The following HBS1L variants were observed in gnomAD, a reference collection of about 807,000 sequenced individuals.
The protein encoded by HBS1L is HBS1-like protein.
In HBS1L, 55 loss-of-function variants were observed where a neutral mutation model predicts 88.9. That is an observed-to-expected ratio of 0.62 (90% CI 0.50 to 0.77). HBS1L has a LOEUF of 0.77. Among genes scored for constraint, HBS1L ranks in the 30% least tolerant of loss-of-function variants. The pLI, the probability that HBS1L is intolerant of heterozygous loss-of-function variation, is 0.00. For synonymous variants in HBS1L, 267 were observed against 288.5 expected (o/e 0.93, Z 0.76); for missense variants, 741 against 829.3 (o/e 0.89, Z 1.31).
chr6:134,973,269 G>C (rs118023853), intron 15 of HBS1L, among the ~76,000 whole-genome samples: 1 of 152,194 alleles, frequency 6.6e-6, no homozygotes, highest in Non-Finnish European at 1.5e-5. Context: ...GGCTTAAAAG[G>C]GGATGAAATT....
At chr6:134,969,149 A>T in intron 16 of HBS1L, 89 bp downstream of exon 16, 2 of 834,762 alleles carry the variant, frequency 2.4e-6, no homozygotes, top group Admixed American at 2.1e-5. Context: ...GGTTTCACTT[A>T]CCACAAAGAG....
At chr6:135,016,503 C>A (rs994423597) in intron 4 of HBS1L, among the ~76,000 whole-genome samples, 1 of 152,050 alleles carries the variant, frequency 6.6e-6, no homozygotes, top group East Asian at 1.9e-4. Context: ...CTGTGAATGC[C>A]GATTTGGGGA....
intron 4 of HBS1L, among the ~76,000 whole-genome samples, chr6:135,021,777 C>T (rs1302577183): frequency 1.3e-5 from 2 of 152,172 alleles, no homozygotes; most frequent in East Asian, 3.8e-4. Context: ...GGCTTCTTAA[C>T]ACCTACGTAA....
chr6:134,979,432 A>G (rs1464037474), intron 13 of HBS1L, 164 bp from the exon 14 acceptor site: 1 of 597,108 alleles, frequency 1.7e-6, no homozygotes, highest in Non-Finnish European at 3.1e-6. Context: ...AGGAAAACAC[A>G]CTTCCTCTAG....
chr6:135,039,586 T>C lies in HBS1L; in HGVS notation c.417A>G (p.Gly139=), dbSNP rs1050431057. 1 of 1,613,894 alleles carries C rather than the reference T, an allele frequency of 6.2e-7. No individual in the cohort carries two copies. Among genetic ancestry groups the C allele is most frequent in the East Asian group, 2.2e-5 (1 of 44,850 alleles). The change falls in exon 4 of 18, where the codon GGA becomes GGG. Residue 139 remains glycine, a synonymous_variant. Transcript: ENST00000367837. ...GTAAAGGCATACCTTTTGCTATCTT[T>C]CCTGTAGATACTGTTGCCTCATTCT... ...KDKNEATVST[G]KIAKGKPVDS...
At chr6:135,044,628 AAAT>A (rs1460445621) in intron 2 of HBS1L, among the ~76,000 whole-genome samples, 1 of 152,200 alleles carries the variant, frequency 6.6e-6, no homozygotes, top group Non-Finnish European at 1.5e-5. Flanking sequence ...GTGGTCCTTA[AAAT>A]AATGATACAC....
In HBS1L at chr6:134,968,765, A is replaced by C. The variant is rs1254482522; in HGVS notation, c.1898+473T>G. Reference sequence around the variant, plus strand: ...GTGGACTTTGAGCAAAAAAAAAAAAAAACAAACTTTCCAGATGGGAAAAGA... The same window carrying C: ...GTGGACTTTGAGCAAAAAAAAAAAACAACAAACTTTCCAGATGGGAAAAGA... On this transcript the variant is annotated intron_variant, in intron 16 of 17. Transcript: ENST00000367837. Among the ~76,000 whole-genome samples the C allele has an allele frequency of 2.0e-5, 3 of 148,292 alleles. No individual in the cohort carries two copies. In the South Asian group the frequency reaches 6.5e-4, roughly 32 times the overall value.
chr6:134,971,420 G>C (rs560586989), intron 15 of HBS1L, among the ~76,000 whole-genome samples: 1 of 152,286 alleles, frequency 6.6e-6, no homozygotes, highest in Admixed American at 6.5e-5. Context: ...TGTGACTAAG[G>C]AACTGGAACC....
rs1030664741 is a variant in HBS1L at position 135,010,720 on chromosome 6, A to G, written c.431-7878T>C. On this transcript the variant is annotated intron_variant, in intron 4 of 17. Coordinates refer to ENST00000367837, the MANE Select transcript of HBS1L (RefSeq NM_006620.4). ...CTGGTAGAACAAATCCAATGGGACT[A>G]TTTTGGGGGGGAAAATGCCAAGTTG... Among the ~76,000 whole-genome samples, 13 of 152,262 alleles carry G rather than the reference A, an allele frequency of 8.5e-5. No individual in the cohort carries two copies. In the East Asian group the frequency reaches 2.5e-3, roughly 29 times the overall value.
rs1774252749 is a variant in HBS1L at position 134,964,420 on chromosome 6, G to C, written c.*859C>G. The C allele has an allele frequency of 6.6e-6, 1 of 152,038 alleles. No individual in the cohort carries two copies. The highest frequency in any genetic ancestry group is 1.5e-5 in the Non-Finnish European group (1 of 68,020). 9.4% of individuals were successfully genotyped at this position (152,038 alleles called of 1,614,324 possible). A position where few individuals can be genotyped will look rare whatever the true frequency, so the allele number is the denominator to read the frequency against. On this transcript the variant is annotated 3_prime_UTR_variant, in exon 18 of 18. Coordinates refer to ENST00000367837, the MANE Select transcript of HBS1L (RefSeq NM_006620.4). ...GCAAGATAAAGAAAGGGCCATCATA[G>C]GTATAATTCTAAAAGTGAGAATGGG...
chr6:134,975,049 A>G (rs1277572712), intron 15 of HBS1L, among the ~76,000 whole-genome samples: 2 of 152,180 alleles, frequency 1.3e-5, no homozygotes, highest in African/African-American at 2.4e-5. Context: ...GATTTGATAA[A>G]TGAATTCAGT....
At chr6:135,038,513 ACAGC>A (rs1477699077) in intron 4 of HBS1L, among the ~76,000 whole-genome samples, 1 of 152,208 alleles carries the variant, frequency 6.6e-6, no homozygotes, top group Non-Finnish European at 1.5e-5. Flanking sequence ...CATTCCCATC[ACAGC>A]CAGTTACAAG....
At chr6:135,020,029 T>C (rs1038825141) in intron 4 of HBS1L, among the ~76,000 whole-genome samples, 1 of 151,770 alleles carries the variant, frequency 6.6e-6, no homozygotes, top group Non-Finnish European at 1.5e-5. Context: ...AATCCCTATA[T>C]GTATGTGTCT....
At position 135,042,113 on chromosome 6, in the gene HBS1L, A is replaced by C. The variant is rs1322270769; in HGVS notation, c.123T>G (p.Ile41Met). Residue 41 changes from isoleucine (I) to methionine (M), a missense_variant, in exon 3 of 18, where the codon ATT (isoleucine) becomes ATG (methionine). By Grantham distance (10) the Ile-to-Met change is conservative. Coordinates refer to ENST00000367837, the MANE Select transcript of HBS1L (RefSeq NM_006620.4). ...CISPSTAAQF[I>M]YSRRDKPSVE... is the part of the protein sequence containing the mutation. Reference sequence around the variant, plus strand: ...CGGAAGGTTTGTCACGCCGTGAATAAATAAACTGAGCAGCTAGAATATAAA... The same window carrying C: ...CGGAAGGTTTGTCACGCCGTGAATACATAAACTGAGCAGCTAGAATATAAA... 1.9e-6 allele frequency: 3 copies of C among 1,612,922 alleles called. No individual in the cohort carries two copies. The African/African-American group carries it at 4.0e-5, about 22-fold the overall frequency.
chr6:134,970,821 G>T (rs1429604555), intron 15 of HBS1L, among the ~76,000 whole-genome samples: 2 of 152,196 alleles, frequency 1.3e-5, no homozygotes, highest in Non-Finnish European at 2.9e-5. Flanking sequence ...AACAAAGTTA[G>T]ACTGACTATC....
chr6:134,971,472 C>T (rs1774485108), intron 15 of HBS1L, among the ~76,000 whole-genome samples: 1 of 152,142 alleles, frequency 6.6e-6, no homozygotes, highest in African/African-American at 2.4e-5. Flanking sequence ...GCATACAAAC[C>T]TAATTAAGTT....
At chr6:135,023,083 T>C (rs934603905) in intron 4 of HBS1L, among the ~76,000 whole-genome samples, 1 of 151,754 alleles carries the variant, frequency 6.6e-6, no homozygotes, top group Non-Finnish European at 1.5e-5. Context: ...TTATGGCTGT[T>C]CTTTATCTTT....
rs545407654 is a variant in HBS1L, at chr6:134,972,449, A to G, written c.1798-3111T>C. Among the ~76,000 whole-genome samples, 23 of 152,348 alleles carry G rather than the reference A, an allele frequency of 1.5e-4. No homozygotes were observed. In the South Asian group the frequency reaches 4.1e-3, roughly 27 times the overall value. On this transcript the variant is annotated intron_variant, in intron 15 of 17. Transcript: ENST00000367837. Reference sequence around the variant, plus strand: ...TTACATATGTACAAAACTTAACTGAAAATGGATCAAAGACCTAAATATAAA... The same window carrying G: ...TTACATATGTACAAAACTTAACTGAGAATGGATCAAAGACCTAAATATAAA...
At chr6:134,999,250 T>C (rs1467554054) in intron 5 of HBS1L, among the ~76,000 whole-genome samples, 1 of 152,056 alleles carries the variant, frequency 6.6e-6, no homozygotes, top group Non-Finnish European at 1.5e-5. Context: ...CAGACAGCTA[T>C]GGTGGACAGA....
Sources: allele counts gnomAD v4.1 joint callset (sites outside exome capture counted in the v4.1 genomes callset), GRCh38; gene constraint gnomAD v4.1.1; transcripts MANE v1.5; gene names NCBI Gene and HGNC (gene_info 2026-07-23, HGNC 2026-07-21).